Variants in ANKRD26 observed in about 807,000 individuals in gnomAD.
ANKRD26 encodes ankyrin repeat domain-containing protein 26.
In ANKRD26, 141 loss-of-function variants were observed where a neutral mutation model predicts 208.7. The observed-to-expected ratio is 0.68, with a 90% CI of 0.59 to 0.78. The LOEUF (loss-of-function observed/expected upper bound fraction) is 0.78, where lower values mean the gene tolerates loss of function less well. ANKRD26 is among the 30% of genes least tolerant of loss of function. The pLI is 0.00. For synonymous variants in ANKRD26, 636 were observed against 660.4 expected (o/e 0.96, Z 0.57); for missense variants, 1,889 against 1,938.7 (o/e 0.97, Z 0.48).
downstream of ANKRD26, among the ~76,000 whole-genome samples, chr10:26,989,118 C>G (rs2052442555): frequency 6.6e-6 from 1 of 151,900 alleles, no homozygotes; most frequent in South Asian, 2.1e-4. Flanking sequence ...ATCTCAACAT[C>G]TATTGGAGTG....
At chr10:26,961,403 G>T in the ANKRD26 span, among the ~76,000 whole-genome samples, 1 of 152,184 alleles carries the variant, frequency 6.6e-6, no homozygotes, top group Admixed American at 6.5e-5. Context: ...AAGTAAGCAT[G>T]ACTTCCATAG....
intron 31 of ANKRD26, among the ~76,000 whole-genome samples, chr10:27,013,707 T>C (rs1307944193): frequency 1.3e-5 from 2 of 152,166 alleles, no homozygotes; most frequent in Non-Finnish European, 2.9e-5. Flanking sequence ...ATTTCACCCA[T>C]TATCTGGAAA....
In ANKRD26 at chr10:27,100,407, G is replaced by A; in HGVS notation, c.-81C>T. 1 of 1,568,698 alleles carries A rather than the reference G, an allele frequency of 6.4e-7. No homozygotes were observed. The highest frequency in any genetic ancestry group is 8.6e-7 in the Non-Finnish European group (1 of 1,166,900). On this transcript the variant is annotated 5_prime_UTR_variant, in exon 1 of 34. Coordinates refer to ENST00000376087, the MANE Select transcript of ANKRD26 (RefSeq NM_014915.3). The stretch of plus-strand genomic sequence containing the variant: ...CTCCGGAGCCCAACATAACAAGTCA[G>A]CCCCGGCTGGCCGCAGCCTCCCAAA...
chr10:27,017,448 T>C (rs1410485447), intron 30 of ANKRD26, 54 bp downstream of exon 30: 9 of 1,579,482 alleles, frequency 5.7e-6, no homozygotes, highest in Admixed American at 1.7e-5. Flanking sequence ...AATGTATATA[T>C]CCAAAATACA....
intron 6 of ANKRD26, 151 bp downstream of exon 6, chr10:27,082,652 G>T: frequency 8.7e-7 from 1 of 1,144,046 alleles, no homozygotes; most frequent in Non-Finnish European, 1.2e-6. Context: ...CCACACAGTT[G>T]GGTTGTAATA....
Position 27,077,391 on chromosome 10 carries a change from C to T in ANKRD26, c.1024G>A (p.Asp342Asn), listed in dbSNP as rs780501527. The T allele has an allele frequency of 6.2e-7, 1 of 1,614,044 alleles. No homozygotes were observed. The highest frequency in any genetic ancestry group is 8.5e-7 in the Non-Finnish European group (1 of 1,179,974). ...CFSHPTYQSP[D>N]LLPKPSHKSL... ...TTGTGGGAAGGTTTTGGAAGAAGGT[C>T]AGGTGATTGATAGGTAGGATGAGAA... The change falls in exon 9 of 34, where the codon GAC (aspartate) becomes AAC (asparagine). Residue 342 changes from aspartate (D) to asparagine (N), a missense_variant. Asp to Asn is a conservative substitution (Grantham distance 23). Coordinates refer to ENST00000376087, the MANE Select transcript of ANKRD26 (RefSeq NM_014915.3).
intron 9 of ANKRD26, among the ~76,000 whole-genome samples, chr10:27,068,500 G>C (rs1298528878): frequency 1.3e-5 from 2 of 152,064 alleles, no homozygotes; most frequent in Non-Finnish European, 2.9e-5. Context: ...TTCTAGACAG[G>C]GCACCATAAA....
chr10:26,972,000 C>A (rs908369159), downstream of ANKRD26, among the ~76,000 whole-genome samples: 1 of 152,106 alleles, frequency 6.6e-6, no homozygotes, highest in Non-Finnish European at 1.5e-5. Flanking sequence ...CTTTGGGAGG[C>A]CAAGGTGGGC....
Position 27,063,991 on chromosome 10 carries a change from CT to C in ANKRD26, c.1359del (p.Glu454LysfsTer10). On this transcript the variant is annotated frameshift_variant, in exon 12 of 34. Coordinates refer to ENST00000376087, the MANE Select transcript of ANKRD26 (RefSeq NM_014915.3). LOFTEE classifies it high-confidence loss of function. Reference sequence around the variant, plus strand: ...AAAAATGAAATATAGCTCTTACCTTCTGCTTGTTCATTTCCTATATTTTTTT... The same window carrying C: ...AAAAATGAAATATAGCTCTTACCTTCGCTTGTTCATTTCCTATATTTTTTT... The part of the protein sequence containing the change: ...GKEKNIGNEQ[A>X]EDVFYIPSCM... 6.2e-7 allele frequency: 1 copy of C among 1,603,412 alleles called. No individual in the cohort carries two copies.
rs867493337 is a variant in ANKRD26 at position 27,021,014 on chromosome 10, G to C, written c.4215+1544C>G. 1.1e-4 allele frequency among the ~76,000 whole-genome samples: 16 copies of C among 152,150 alleles called. No individual in the cohort carries two copies. In the Middle Eastern group the frequency reaches 0.01, roughly 97 times the overall value. ...TTCCATTTTTATTTTAGATTGAAAG[G>C]GTACATATGCAGGCTTGTTACTATA... On this transcript the variant is annotated intron_variant, in intron 29 of 33. Coordinates refer to ENST00000376087, the MANE Select transcript of ANKRD26 (RefSeq NM_014915.3).
intron 25 of ANKRD26, among the ~76,000 whole-genome samples, chr10:27,031,448 G>T (rs1298740177): frequency 6.6e-6 from 1 of 152,198 alleles, no homozygotes; most frequent in South Asian, 2.1e-4. Context: ...ACTGCATATT[G>T]TATGACTCTA....
At chr10:27,092,871 T>C (rs2056345521) in intron 3 of ANKRD26, among the ~76,000 whole-genome samples, 1 of 152,122 alleles carries the variant, frequency 6.6e-6, no homozygotes. Flanking sequence ...TCACCTGAGG[T>C]CAGGAGTTCG....
Position 27,100,355 on chromosome 10 carries a change from C to T in ANKRD26, c.-29G>A, listed in dbSNP as rs1267205227. 3 of 1,603,306 alleles carry T rather than the reference C, an allele frequency of 1.9e-6. No homozygotes were observed. Among genetic ancestry groups the T allele is most frequent in the Non-Finnish European group, 2.5e-6 (3 of 1,179,734 alleles). On this transcript the variant is annotated 5_prime_UTR_variant, in exon 1 of 34. Transcript: ENST00000376087. Reference sequence around the variant, plus strand: ...CCAGGCGACCGGGCTTCAGAGACACCTCATGTCTCTCTCGGCTCTTAACGG... The same window carrying T: ...CCAGGCGACCGGGCTTCAGAGACACTTCATGTCTCTCTCGGCTCTTAACGG...
intron 5 of ANKRD26, chr10:26,992,030 C>T (rs950867376): frequency 2.6e-5 from 4 of 152,318 alleles, no homozygotes; most frequent in African/African-American, 9.6e-5. Context: ...TATCAATTTA[C>T]ATTGCCAGAG....
In ANKRD26 at chr10:27,079,675, G is replaced by A. The variant is rs559080636; in HGVS notation, c.741-514C>T. ...TCGAGATCAGCCTGGCCAACATGGC[G>A]AAACCCTGTCTCTACTAAAATACAA... On this transcript the variant is annotated intron_variant, in intron 6 of 33. Transcript: ENST00000376087. 6.4e-4 allele frequency among the ~76,000 whole-genome samples: 97 copies of A among 152,160 alleles called. 1 individual carries two copies. Among genetic ancestry groups the A allele is most frequent in the African/African-American group, 1.5e-3 (64 of 41,522 alleles).
At position 27,043,456 on chromosome 10, in the gene ANKRD26, G is replaced by A. The variant is rs201502559; in HGVS notation, c.2131C>T (p.Leu711Phe). The A allele has an allele frequency of 6.2e-7, 1 of 1,613,956 alleles. No individual in the cohort carries two copies. Residue 711 changes from leucine (L) to phenylalanine (F), a missense_variant, in exon 20 of 34, where the codon CTC becomes TTC. Around this residue, in one of 3 missense-constraint regions of ANKRD26, gnomAD observed 1,272 missense variants for 1,273.8 expected, o/e 1.00. Coordinates refer to ENST00000376087, the MANE Select transcript of ANKRD26 (RefSeq NM_014915.3). The stretch of plus-strand genomic sequence containing the variant: ...CACTCCATTCCAAGTTGTTCAATGA[G>A]CAACATAAAATTCTTGTAACTAGAG... ...PHSSYKNFML[L>F]IEQLGMECKD...
At chr10:26,989,630 C>G (rs1196657760), downstream of ANKRD26, among the ~76,000 whole-genome samples, 1 of 152,136 alleles carries the variant, frequency 6.6e-6, no homozygotes, top group Non-Finnish European at 1.5e-5. Flanking sequence ...GGTTCCCCTA[C>G]CTGTTACTGA....
the ANKRD26 span, among the ~76,000 whole-genome samples, chr10:26,967,496 C>T: frequency 5.5e-4 from 83 of 151,914 alleles, no homozygotes; most frequent in African/African-American, 1.9e-3. Flanking sequence ...TTCATTCCCA[C>T]GGCTTCAGTT....
chr10:26,954,726 A>T, the ANKRD26 span, among the ~76,000 whole-genome samples: 1 of 152,168 alleles, frequency 6.6e-6, no homozygotes, highest in African/African-American at 2.4e-5. Flanking sequence ...TTGGAAAAAC[A>T]GATTACGAGT....
Sources: gnomAD v4.1 joint callset for allele counts (sites outside exome capture counted in the v4.1 genomes callset) on GRCh38, gnomAD v4.1.1 for gene constraint, gnomAD v4.1.1 regional missense constraint, MANE v1.5 for transcripts, NCBI Gene and HGNC (gene_info 2026-07-23, HGNC 2026-07-21) for gene names.